The following RABGAP1 variants were observed in gnomAD, a reference collection of about 807,000 sequenced individuals.
The protein encoded by RABGAP1 is RAB GTPase activating protein 1.
In RABGAP1, 23 loss-of-function variants were observed where a neutral mutation model predicts 137.6. That is an observed-to-expected ratio of 0.17 (90% CI 0.12 to 0.24). The LOEUF is 0.24. RABGAP1 is among the 10% of genes least tolerant of loss of function. The pLI, the probability that RABGAP1 is intolerant of heterozygous loss-of-function variation, is 1.00. For missense variants in RABGAP1, 906 were observed against 1,275.8 expected (o/e 0.71, Z 4.42); for synonymous variants, 451 against 450.7 (o/e 1.00, Z -0.01).
At chr9:123,097,008 A>T (rs1412107257) in intron 21 of RABGAP1, among the ~76,000 whole-genome samples, 1 of 152,260 alleles carries the variant, frequency 6.6e-6, no homozygotes, top group African/African-American at 2.4e-5. Context: ...GGGAAATCCT[A>T]TCCATATCAG....
At chr9:123,000,769 C>T (rs571328937) in intron 10 of RABGAP1, among the ~76,000 whole-genome samples, 2 of 152,246 alleles carry the variant, frequency 1.3e-5, no homozygotes, top group East Asian at 3.9e-4. Context: ...TTACCTCAGC[C>T]TCCCAAAGTG....
chr9:123,095,448 C>A (rs1476333243), intron 21 of RABGAP1, among the ~76,000 whole-genome samples: 3 of 152,048 alleles, frequency 2.0e-5, no homozygotes, highest in Non-Finnish European at 4.4e-5. Flanking sequence ...TGCCTGTAAT[C>A]CCAGCACTTT....
At chr9:123,056,366 G>A (rs1381705658) in intron 13 of RABGAP1, among the ~76,000 whole-genome samples, 1 of 152,114 alleles carries the variant, frequency 6.6e-6, no homozygotes, top group Admixed American at 6.5e-5. Context: ...CAGAAACAGA[G>A]TAATTGCTGT....
intron 1 of RABGAP1, among the ~76,000 whole-genome samples, chr9:122,944,663 C>T (rs1331852211): frequency 2.0e-5 from 3 of 151,936 alleles, no homozygotes; most frequent in African/African-American, 4.8e-5. Context: ...CTCCGCCTTC[C>T]GGGTTTAAGA....
chr9:123,092,472 G>T (rs1289671451), intron 21 of RABGAP1, among the ~76,000 whole-genome samples: 1 of 151,780 alleles, frequency 6.6e-6, no homozygotes, highest in African/African-American at 2.4e-5. Context: ...ATGAGGATTT[G>T]TTTTTTTTAA....
At position 122,947,137 on chromosome 9, in the gene RABGAP1, TACATACATTGAAATA is replaced by T. The variant is rs1358376620; in HGVS notation, c.-50+6045_-50+6059del. Among the ~76,000 whole-genome samples the T allele has an allele frequency of 9.2e-5, 14 of 152,322 alleles. No homozygotes were observed. The South Asian group carries it at 2.7e-3, about 29-fold the overall frequency. Reference sequence around the variant, plus strand: ...CTTTTATTGAAGGATAAATGTGGCATACATACATTGAAATATTATTCAGCCTTAGGGAAATTGTGA... The same window carrying T: ...CTTTTATTGAAGGATAAATGTGGCATTTATTCAGCCTTAGGGAAATTGTGA... On this transcript the variant is annotated intron_variant, in intron 1 of 25. Transcript: ENST00000373647.
intron 5 of RABGAP1, chr9:122,989,737 C>T (rs1375590913): frequency 1.7e-5 from 9 of 520,652 alleles, no homozygotes; most frequent in Non-Finnish European, 3.0e-5. Context: ...CTAACATTGA[C>T]AGATTTGCAA....
chr9:123,010,045 G>C (rs909322791), intron 10 of RABGAP1, among the ~76,000 whole-genome samples: 3 of 152,090 alleles, frequency 2.0e-5, no homozygotes, highest in Non-Finnish European at 4.4e-5. Flanking sequence ...GTTAAACATT[G>C]GTAGTTGGAT....
At chr9:123,052,690 G>T (rs1455698328) in intron 13 of RABGAP1, among the ~76,000 whole-genome samples, 1 of 152,246 alleles carries the variant, frequency 6.6e-6, no homozygotes, top group East Asian at 1.9e-4. Context: ...AGCACTTTGG[G>T]AGGCTGAGGT....
Position 123,103,792 on chromosome 9 carries a change from G to A in RABGAP1, c.*579G>A, listed in dbSNP as rs547500292. 1 of 150,888 alleles carries A rather than the reference G, an allele frequency of 6.6e-6. No individual in the cohort carries two copies. Among genetic ancestry groups the A allele is most frequent in the South Asian group, 2.1e-4 (1 of 4,730 alleles). The allele number at this position is 150,888 out of a possible 1,614,324, so 9.3% of individuals were successfully genotyped here. On this transcript the variant is annotated 3_prime_UTR_variant, in exon 26 of 26. Coordinates refer to ENST00000373647, the MANE Select transcript of RABGAP1 (RefSeq NM_012197.4). ...CCACCTGGTTCTGTTAAACTGTATG[G>A]TGCAGGTTTTGGGTTTGGCATTATT...
At chr9:122,993,234 GCTCTT>G (rs1836836143) in intron 6 of RABGAP1, among the ~76,000 whole-genome samples, 1 of 151,958 alleles carries the variant, frequency 6.6e-6, no homozygotes, top group African/African-American at 2.4e-5. Context: ...AATAATTAAT[GCTCTT>G]CTCATTTCTG....
chr9:123,061,562 T>C (rs569147070), intron 13 of RABGAP1, among the ~76,000 whole-genome samples: 1 of 152,362 alleles, frequency 6.6e-6, no homozygotes, highest in South Asian at 2.1e-4. Context: ...TGACCCTTTA[T>C]AGAAGAAGTT....
chr9:122,996,171 T>G lies in RABGAP1; in HGVS notation c.1034+20T>G. The stretch of plus-strand genomic sequence containing the variant: ...TGAAAGGTAAGCATTTTTAGTAAGT[T>G]TAGCTTAAATATAAATTTTGGCTTT... On this transcript the variant is annotated intron_variant, in intron 7 of 25. Transcript: ENST00000373647. 6.3e-7 allele frequency: 1 copy of G among 1,593,124 alleles called. No homozygotes were observed. Among genetic ancestry groups the G allele is most frequent in the Non-Finnish European group, 8.5e-7 (1 of 1,174,290 alleles).
intron 1 of RABGAP1, among the ~76,000 whole-genome samples, chr9:122,947,821 C>T (rs1834021223): frequency 6.6e-6 from 1 of 152,048 alleles, no homozygotes; most frequent in South Asian, 2.1e-4. Context: ...TCTCTTAGCT[C>T]ACTAAAATAA....
intron 2 of RABGAP1, among the ~76,000 whole-genome samples, chr9:122,968,555 A>G (rs1376459869): frequency 6.6e-6 from 1 of 151,874 alleles, no homozygotes; most frequent in Non-Finnish European, 1.5e-5. Flanking sequence ...TAAATGTTCA[A>G]TTAAATCATT....
chr9:122,954,129 A>C (rs1834393171), intron 1 of RABGAP1, among the ~76,000 whole-genome samples: 1 of 152,214 alleles, frequency 6.6e-6, no homozygotes, highest in African/African-American at 2.4e-5. Flanking sequence ...TTTTATGGTA[A>C]CTGATGTAAG....
intron 13 of RABGAP1, among the ~76,000 whole-genome samples, chr9:123,038,908 CT>C (rs1199267738): frequency 6.6e-6 from 1 of 151,976 alleles, no homozygotes; most frequent in Non-Finnish European, 1.5e-5. Flanking sequence ...AAAATGTAGG[CT>C]TCTGTTTCTA....
intron 13 of RABGAP1, among the ~76,000 whole-genome samples, chr9:123,023,114 C>A (rs2031745290): frequency 6.6e-6 from 1 of 152,094 alleles, no homozygotes; most frequent in African/African-American, 2.4e-5. Flanking sequence ...GTCATAAATA[C>A]CCTTACTACA....
chr9:122,962,764 AG>A (rs1205329975), intron 2 of RABGAP1, among the ~76,000 whole-genome samples: 1 of 152,206 alleles, frequency 6.6e-6, no homozygotes, highest in Non-Finnish European at 1.5e-5. Flanking sequence ...AAGTAGATTA[AG>A]CAGTGTAATC....
Sources: allele counts gnomAD v4.1 joint callset (sites outside exome capture counted in the v4.1 genomes callset), GRCh38; gene constraint gnomAD v4.1.1; transcripts MANE v1.5; gene names NCBI Gene and HGNC (gene_info 2026-07-23, HGNC 2026-07-21).